The following ARHGAP29 variants were observed in gnomAD, a reference collection of about 807,000 sequenced individuals.
ARHGAP29 encodes rho GTPase-activating protein 29.
A neutral mutation model predicts 122.6 loss-of-function variants in ARHGAP29; 43 were observed. That is an observed-to-expected ratio of 0.35 (90% CI 0.27 to 0.45). The LOEUF is 0.45. Ranked by LOEUF, ARHGAP29 falls within the 20% of genes least tolerant of loss-of-function variation. ARHGAP29 has a pLI of 1.00. For synonymous variants in ARHGAP29, 506 were observed against 497.1 expected (o/e 1.02, Z -0.24); for missense variants, 1,303 against 1,477.2 (o/e 0.88, Z 1.93).
intron 1 of ARHGAP29, among the ~76,000 whole-genome samples, chr1:94,252,049 T>C (rs534165217): frequency 2.0e-5 from 3 of 152,322 alleles, no homozygotes; most frequent in South Asian, 4.1e-4. Flanking sequence ...AAAATAACAA[T>C]ACAATATATC....
the ARHGAP29 span, among the ~76,000 whole-genome samples, chr1:94,284,422 T>G: frequency 2.0e-5 from 3 of 152,216 alleles, no homozygotes; most frequent in Non-Finnish European, 4.4e-5. Flanking sequence ...TTAGATCACA[T>G]AGTGTAGTAG....
chr1:94,276,233 G>A (rs1191366098), upstream of ARHGAP29, among the ~76,000 whole-genome samples: 1 of 151,650 alleles, frequency 6.6e-6, no homozygotes, highest in Non-Finnish European at 1.5e-5. Flanking sequence ...ACTCCAACCT[G>A]AGTGACCGAG....
chr1:94,295,827 A>G, the ARHGAP29 span, among the ~76,000 whole-genome samples: 1 of 82,202 alleles, frequency 1.2e-5, no homozygotes, highest in South Asian at 4.6e-4. Context: ...AACTACTTAC[A>G]ACAGTGCAGT....
chr1:94,207,181 G>T (rs905713127), intron 5 of ARHGAP29, among the ~76,000 whole-genome samples: 8 of 151,600 alleles, frequency 5.3e-5, no homozygotes, highest in African/African-American at 1.7e-4. Flanking sequence ...GCTAATATTT[G>T]TATTTTTAGT....
chr1:94,220,393 C>T lies in ARHGAP29; in HGVS notation c.206-1G>A. 1.3e-6 allele frequency: 2 copies of T among 1,574,774 alleles called. No individual in the cohort carries two copies. Among genetic ancestry groups the T allele is most frequent in the Non-Finnish European group, 1.7e-6 (2 of 1,162,376 alleles). ...ATATGAATAACTTCTTTAAAACAGT[C>T]TTTAAAAAGAAAAAAAAATAATTTA... On this transcript the variant is annotated splice_acceptor_variant, in intron 2 of 22. Transcript: ENST00000260526. LOFTEE classifies it high-confidence loss of function.
chr1:94,273,450 T>G (rs926098247), intron 1 of ARHGAP29, among the ~76,000 whole-genome samples: 2 of 152,208 alleles, frequency 1.3e-5, no homozygotes, highest in African/African-American at 2.4e-5. Context: ...TATTTATCAC[T>G]CAGAACTTTC....
the ARHGAP29 span, among the ~76,000 whole-genome samples, chr1:94,289,381 G>A: frequency 6.6e-6 from 1 of 152,226 alleles, no homozygotes; most frequent in Non-Finnish European, 1.5e-5. Context: ...AGCTTAAGGA[G>A]ATTTTGGGCT....
At chr1:94,293,315 C>T in the ARHGAP29 span, among the ~76,000 whole-genome samples, 12 of 152,318 alleles carry the variant, frequency 7.9e-5, no homozygotes, top group South Asian at 2.1e-4. Flanking sequence ...CCTGGTCTGC[C>T]GGTTGCAAAG....
intron 1 of ARHGAP29, chr1:94,247,808 C>A: frequency 3.3e-6 from 1 of 298,616 alleles, no homozygotes; most frequent in Non-Finnish European, 4.9e-6. Flanking sequence ...TGGCCTGGCC[C>A]GCGCTCCCGG....
chr1:94,314,237 C>G, the ARHGAP29 span, among the ~76,000 whole-genome samples: 1 of 152,220 alleles, frequency 6.6e-6, no homozygotes, highest in Non-Finnish European at 1.5e-5. Context: ...TAAAACATAG[C>G]AGCCACTTGG....
At chr1:94,230,280 A>T (rs1403835480) in intron 2 of ARHGAP29, among the ~76,000 whole-genome samples, 2 of 151,770 alleles carry the variant, frequency 1.3e-5, no homozygotes, top group Non-Finnish European at 3.0e-5. Flanking sequence ...TTTCCACAAT[A>T]ACTTTAGGTA....
intron 8 of ARHGAP29, 53 bp downstream of exon 8, chr1:94,203,877 A>C: frequency 6.8e-7 from 1 of 1,479,000 alleles, no homozygotes; most frequent in Non-Finnish European, 9.4e-7. Context: ...AATTATTGGG[A>C]GTTCATGAGT....
rs1652698569 is a variant in ARHGAP29 at position 94,227,887 on chromosome 1, T to C, written c.205+3520A>G. 2.6e-5 allele frequency among the ~76,000 whole-genome samples: 4 copies of C among 151,910 alleles called. No individual in the cohort carries two copies. In the South Asian group the frequency reaches 6.2e-4, roughly 24 times the overall value. ...TAACTGAGTGCCTTCAGCATTTTCA[T>C]ATAAGATAGAACATTTACCTTGTAA... On this transcript the variant is annotated intron_variant, in intron 2 of 22. Transcript: ENST00000260526.
chr1:94,237,462 T>G lies in ARHGAP29; in HGVS notation c.-80A>C, dbSNP rs960021647. ...CGGACGCGGACGCCCGCCCCACACCTACGGCCGCCGCCACCGCCGAGGGCT... is the reference window on the plus strand; with the variant it reads ...CGGACGCGGACGCCCGCCCCACACCGACGGCCGCCGCCACCGCCGAGGGCT... On this transcript the variant is annotated 5_prime_UTR_variant, in exon 1 of 23. It removes the in-frame stop codon of an upstream open reading frame in the 5' UTR. Transcript: ENST00000260526. 20 of 987,212 alleles carry G rather than the reference T, an allele frequency of 2.0e-5. No individual in the cohort carries two copies. The African/African-American group carries it at 3.5e-4, about 17-fold the overall frequency. The allele number at this position is 987,212 out of a possible 1,614,324, so 61.2% of individuals were successfully genotyped here. A position where few individuals can be genotyped will look rare whatever the true frequency, so the allele number is the denominator to read the frequency against.
At chr1:94,251,487 A>G (rs541857859) in intron 1 of ARHGAP29, among the ~76,000 whole-genome samples, 8 of 152,310 alleles carry the variant, frequency 5.3e-5, no homozygotes, top group South Asian at 4.1e-4. Flanking sequence ...AAGAAGTTCA[A>G]TGAAGAATTT....
At chr1:94,298,459 C>A in the ARHGAP29 span, among the ~76,000 whole-genome samples, 1 of 152,294 alleles carries the variant, frequency 6.6e-6, no homozygotes, top group African/African-American at 2.4e-5. Context: ...CAACTTTTAA[C>A]GATTGCAAGA....
At chr1:94,222,413 C>A (rs192587456) in intron 2 of ARHGAP29, among the ~76,000 whole-genome samples, 1 of 152,158 alleles carries the variant, frequency 6.6e-6, no homozygotes, top group African/African-American at 2.4e-5. Context: ...ATTGACAAAT[C>A]ACATTCAAGG....
In ARHGAP29 at chr1:94,186,527, T is replaced by C. The variant is rs1195594256; in HGVS notation, c.1752A>G (p.Glu584=). 5.0e-6 allele frequency: 8 copies of C among 1,613,742 alleles called. No individual in the cohort carries two copies. The highest frequency in any genetic ancestry group is 1.7e-5 in the Admixed American group (1 of 59,988). ...TTTCTGAAGGGGAAGGTGGCTCTCT[T>C]TCATCTAGATCATCTGCAGAGGACA... The part of the protein sequence containing the change: ...GTMSSADDLD[E]REPPSPSETG... Residue 584 remains glutamate (E), a synonymous_variant, in exon 16 of 23, where the codon GAA becomes GAG. Coordinates refer to ENST00000260526, the MANE Select transcript of ARHGAP29 (RefSeq NM_004815.4).
rs1650034938 is a variant in ARHGAP29, at chr1:94,189,915, T to A, written c.1439+11A>T. 2.5e-6 allele frequency: 4 copies of A among 1,611,832 alleles called. No individual in the cohort carries two copies. The African/African-American group carries it at 4.0e-5, about 16-fold the overall frequency. Reference sequence around the variant, plus strand: ...ATTTTGAAATAATTTTGTCTGTACATTAATTCTCACCCATCAACTTTTTCT... The same window carrying A: ...ATTTTGAAATAATTTTGTCTGTACAATAATTCTCACCCATCAACTTTTTCT... On this transcript the variant is annotated intron_variant, in intron 13 of 22. Coordinates refer to ENST00000260526, the MANE Select transcript of ARHGAP29 (RefSeq NM_004815.4).
Sources: allele counts gnomAD v4.1 joint callset (sites outside exome capture counted in the v4.1 genomes callset), GRCh38; gene constraint gnomAD v4.1.1; transcripts MANE v1.5; gene names NCBI Gene and HGNC (gene_info 2026-07-23, HGNC 2026-07-21).